Variants in CHEK1 observed in about 807,000 individuals in gnomAD.
CHEK1 encodes the protein serine/threonine-protein kinase Chk1.
In CHEK1, 32 loss-of-function variants were observed where a neutral mutation model predicts 60.2. The observed-to-expected ratio is 0.53, with a 90% CI of 0.40 to 0.71. The LOEUF (loss-of-function observed/expected upper bound fraction) is 0.71. Ranked by LOEUF, CHEK1 falls within the 30% of genes least tolerant of loss-of-function variation. CHEK1 has a pLI of 0.00. For synonymous variants in CHEK1, 179 were observed against 187.2 expected (o/e 0.96, Z 0.36); for missense variants, 399 against 564.6 (o/e 0.71, Z 2.97).
At chr11:125,674,140 CA>C (rs981748136) in intron 13 of CHEK1, among the ~76,000 whole-genome samples, 34 of 148,296 alleles carry the variant, frequency 2.3e-4, no homozygotes, top group African/African-American at 8.2e-4. Flanking sequence ...GACTCCATCT[CA>C]AAAAAAAAAT....
chr11:125,643,942 C>A, intron 9 of CHEK1, 42 bp downstream of exon 9: 1 of 1,559,814 alleles, frequency 6.4e-7, no homozygotes, highest in Non-Finnish European at 8.8e-7. Flanking sequence ...TTGTAGTATT[C>A]CCCATGAAGA....
intron 8 of CHEK1, among the ~76,000 whole-genome samples, chr11:125,639,501 C>G (rs774287251): frequency 4.6e-5 from 7 of 150,734 alleles, no homozygotes; most frequent in Admixed American, 1.3e-4. Context: ...CTTAGCCACC[C>G]GAGTAGCTGG....
downstream of CHEK1, chr11:125,677,890 GC>G: frequency 6.2e-7 from 1 of 1,613,872 alleles, no homozygotes; most frequent in South Asian, 1.1e-5. Context: ...TCACCAGAAG[GC>G]TGTTCACCGG....
intron 13 of CHEK1, among the ~76,000 whole-genome samples, chr11:125,665,241 T>G (rs1316416470): frequency 2.6e-5 from 4 of 151,200 alleles, no homozygotes. Context: ...TTTTTTTTTT[T>G]GGTTTCTGTC....
At chr11:125,665,625 G>C (rs1942085343) in intron 13 of CHEK1, among the ~76,000 whole-genome samples, 1 of 152,116 alleles carries the variant, frequency 6.6e-6, no homozygotes, top group Non-Finnish European at 1.5e-5. Flanking sequence ...TTCTTTGATG[G>C]AAGACTTTTT....
chr11:125,677,735 T>C, downstream of CHEK1: 1 of 1,594,292 alleles, frequency 6.3e-7, no homozygotes, highest in Admixed American at 1.7e-5. Flanking sequence ...TTGGGTTTTC[T>C]TGATGTGTTC....
intron 11 of CHEK1, among the ~76,000 whole-genome samples, chr11:125,652,550 T>A (rs1941776106): frequency 6.6e-6 from 1 of 152,214 alleles, no homozygotes; most frequent in South Asian, 2.1e-4. Flanking sequence ...TGAGTTCATA[T>A]ACACTCAATC....
intron 11 of CHEK1, chr11:125,649,934 C>T (rs1311742612): frequency 6.6e-6 from 1 of 152,150 alleles, no homozygotes; most frequent in Non-Finnish European, 1.5e-5. Context: ...GATGAGAAAT[C>T]AGCTGTTAAT....
At chr11:125,662,146 T>A (rs571939973), downstream of CHEK1, among the ~76,000 whole-genome samples, 49 of 152,360 alleles carry the variant, frequency 3.2e-4, no homozygotes, top group African/African-American at 1.1e-3. Flanking sequence ...ACAAAAACAC[T>A]GTAAACTGTG....
chr11:125,665,157 C>T (rs184302853), intron 13 of CHEK1, among the ~76,000 whole-genome samples: 34 of 149,690 alleles, frequency 2.3e-4, no homozygotes, highest in Admixed American at 1.0e-3. Context: ...ATTCCAGTAT[C>T]GGTCTGTTTT....
rs10626345 is a variant in CHEK1 at position 125,633,998 on chromosome 11, G to GTTTTTTTTT, written c.613+656_613+664dup. On this transcript the variant is annotated intron_variant, in intron 6 of 12. Transcript: ENST00000438015. ...GAGAGCAGAAGCAAGCTCTATTGTGGTTTTTTTTTTTTTTTTTAGACCAGA... is the reference window on the plus strand; with the variant it reads ...GAGAGCAGAAGCAAGCTCTATTGTGGTTTTTTTTTTTTTTTTTTTTTTTTTTAGACCAGA... Among the ~76,000 whole-genome samples the GTTTTTTTTT allele has an allele frequency of 3.9e-5, 5 of 126,954 alleles. No individual in the cohort carries two copies. The South Asian group carries it at 1.1e-3, about 27-fold the overall frequency. The allele number at this position is 126,954 out of a possible 152,430, so 83.3% of individuals were successfully genotyped here. A position where few individuals can be genotyped will look rare whatever the true frequency, so the allele number is the denominator to read the frequency against.
At chr11:125,677,621 C>T (rs1420909372), downstream of CHEK1, among the ~76,000 whole-genome samples, 1 of 152,148 alleles carries the variant, frequency 6.6e-6, no homozygotes, top group East Asian at 1.9e-4. Flanking sequence ...AGCTTTCAGG[C>T]TCCCACATGC....
chr11:125,670,925 C>T (rs530343066), intron 13 of CHEK1, among the ~76,000 whole-genome samples: 1 of 152,184 alleles, frequency 6.6e-6, no homozygotes, highest in African/African-American at 2.4e-5. Context: ...TAAATGGAAG[C>T]CAGAATTTTC....
chr11:125,653,908 G>A lies in CHEK1; in HGVS notation c.1335+61G>A, dbSNP rs1941817976. 1 of 1,003,372 alleles carries A rather than the reference G, an allele frequency of 1.0e-6. No homozygotes were observed. Among genetic ancestry groups the A allele is most frequent in the African/African-American group, 1.7e-5 (1 of 59,272 alleles). 62.2% of individuals were successfully genotyped at this position (1,003,372 alleles called of 1,614,324 possible). Reference sequence around the variant, plus strand: ...ATATTTCTATATGAATTTTTTTAATGGCATTATGTTTGTATATATGTGGCA... The same window carrying A: ...ATATTTCTATATGAATTTTTTTAATAGCATTATGTTTGTATATATGTGGCA... On this transcript the variant is annotated intron_variant, in intron 12 of 12. Transcript: ENST00000438015. This position sits in a 1 kb window ranked among gnomAD's most constrained non-coding sequence, Gnocchi z 4.3.
At chr11:125,635,683 A>C in intron 7 of CHEK1, 150 bp downstream of exon 7, 2 of 502,036 alleles carry the variant, frequency 4.0e-6, no homozygotes. Context: ...GTAAAAAATT[A>C]AGGAAAAAAT....
chr11:125,636,048 G>A (rs541902266), intron 7 of CHEK1: 19 of 152,198 alleles, frequency 1.2e-4, no homozygotes, highest in African/African-American at 4.6e-4. Flanking sequence ...AATGGTATTT[G>A]TGTATCTAAG....
chr11:125,645,369 T>C (rs1428383931), intron 11 of CHEK1, among the ~76,000 whole-genome samples: 1 of 152,174 alleles, frequency 6.6e-6, no homozygotes, highest in Non-Finnish European at 1.5e-5. Flanking sequence ...TATTAGAGCA[T>C]AGTTATAACA....
Position 125,642,337 on chromosome 11 carries a change from AT to A in CHEK1, c.815-1452del, listed in dbSNP as rs561450902. ...ATTTTCCTTCAGTGTACTTACCACC[AT>A]TTAGCTTACTGATTTTTAACTGTAT... is the stretch of plus-strand genomic sequence containing the variant. On this transcript the variant is annotated intron_variant, in intron 8 of 12. Transcript: ENST00000438015. Among the ~76,000 whole-genome samples, 409 of 152,272 alleles carry A rather than the reference AT, an allele frequency of 2.7e-3. 1 individual carries two copies. Among genetic ancestry groups the A allele is most frequent in the African/African-American group, 8.9e-3 (369 of 41,564 alleles).
downstream of CHEK1, chr11:125,677,976 G>T (rs748761030): frequency 1.2e-6 from 2 of 1,612,532 alleles, no homozygotes; most frequent in Non-Finnish European, 1.7e-6. Context: ...CTGTTCTCCG[G>T]AGAGGTGTTC....
Sources: gnomAD v4.1 joint callset for allele counts (sites outside exome capture counted in the v4.1 genomes callset) on GRCh38, gnomAD v4.1.1 for gene constraint, Gnocchi (gnomAD v3.1) non-coding constraint, MANE v1.5 for transcripts, NCBI Gene and HGNC (gene_info 2026-07-23, HGNC 2026-07-21) for gene names.